The following COL27A1 variants were observed in gnomAD, a reference collection of about 807,000 sequenced individuals.
COL27A1 encodes collagen alpha-1(XXVII) chain.
COL27A1 carries 106 observed loss-of-function variants against 251.3 expected under a neutral mutation model. That is an observed-to-expected ratio of 0.42 (90% CI 0.36 to 0.50). COL27A1 has a LOEUF of 0.50. Ranked by LOEUF, COL27A1 falls within the 20% of genes least tolerant of loss-of-function variation. COL27A1 has a pLI of 0.00. For synonymous variants in COL27A1, 1,000 were observed against 986.3 expected, an observed-to-expected ratio of 1.01 and a Z score of -0.26; for missense variants, 2,325 against 2,522.8, an observed-to-expected ratio of 0.92 and a Z score of 1.68.
At position 114,235,590 on chromosome 9, in the gene COL27A1, T is replaced by C. The variant is rs1832328473; in HGVS notation, c.2566-9T>C. The stretch of plus-strand genomic sequence containing the variant: ...TCCATTGTAACCTTCTTTGCTGGTG[T>C]GTACTTAGGGTGAACAAGGGGTTCC... On this transcript the variant is annotated splice_polypyrimidine_tract_variant and intron_variant, in intron 16 of 60. Coordinates refer to ENST00000356083, the MANE Select transcript of COL27A1 (RefSeq NM_032888.4). 1.2e-6 allele frequency: 2 copies of C among 1,612,762 alleles called. No homozygotes were observed. The highest frequency in any genetic ancestry group is 2.7e-5 in the African/African-American group (2 of 74,866).
chr9:114,230,097 C>G (rs1307425481), intron 14 of COL27A1, among the ~76,000 whole-genome samples: 1 of 152,162 alleles, frequency 6.6e-6, no homozygotes, highest in Non-Finnish European at 1.5e-5. Context: ...ATGAAGAAAC[C>G]GAGGCATGGA....
At chr9:114,189,432 T>G (rs1271506511) in intron 5 of COL27A1, among the ~76,000 whole-genome samples, 1 of 152,248 alleles carries the variant, frequency 6.6e-6, no homozygotes, top group African/African-American at 2.4e-5. Flanking sequence ...ATCTTTATTC[T>G]GTGTATCCTC....
chr9:114,225,954 G>A (rs1231928805), intron 14 of COL27A1, among the ~76,000 whole-genome samples: 1 of 152,180 alleles, frequency 6.6e-6, no homozygotes, highest in African/African-American at 2.4e-5. Context: ...TGTCGGGCTT[G>A]TCACCTGGGT....
chr9:114,290,428 C>T lies in COL27A1; in HGVS notation c.4368+97C>T. ...TGGGCCAGAGGAGCCCGTTTGGAAA[C>T]TTGGATGGGCAGAACCAACACATCC... On this transcript the variant is annotated intron_variant, in intron 47 of 60. Transcript: ENST00000356083. This position sits in a 1 kb window ranked among gnomAD's most constrained non-coding sequence, Gnocchi z 4.6. 3 of 1,088,922 alleles carry T rather than the reference C, an allele frequency of 2.8e-6. No individual in the cohort carries two copies. Among genetic ancestry groups the T allele is most frequent in the Non-Finnish European group, 4.1e-6 (3 of 733,412 alleles). 67.5% of individuals were successfully genotyped at this position (1,088,922 alleles called of 1,614,324 possible). A position where few individuals can be genotyped will look rare whatever the true frequency, so the allele number is the denominator to read the frequency against.
intron 49 of COL27A1, 133 bp downstream of exon 49, chr9:114,292,343 C>T (rs1827981258): frequency 1.4e-6 from 1 of 718,200 alleles, no homozygotes. Flanking sequence ...CCTCCTTGCT[C>T]TGTGACAAGG....
intron 34 of COL27A1, 41 bp downstream of exon 34, chr9:114,267,598 C>T: frequency 1.3e-6 from 2 of 1,565,982 alleles, no homozygotes; most frequent in Non-Finnish European, 1.7e-6. Flanking sequence ...CTTGTTGAAA[C>T]CAGCTCCCAG....
intron 2 of COL27A1, among the ~76,000 whole-genome samples, chr9:114,165,955 A>T (rs1343079845): frequency 6.7e-6 from 1 of 149,522 alleles, no homozygotes; most frequent in Non-Finnish European, 1.5e-5. Context: ...CCATCTATCC[A>T]TCCATCCATC....
At chr9:114,172,775 C>G (rs1849414259) in intron 3 of COL27A1, among the ~76,000 whole-genome samples, 1 of 152,120 alleles carries the variant, frequency 6.6e-6, no homozygotes, top group South Asian at 2.1e-4. Context: ...GCCTGGGCAA[C>G]AGAGTAAGAC....
At chr9:114,302,664 A>G (rs1385747277) in intron 56 of COL27A1, among the ~76,000 whole-genome samples, 2 of 151,150 alleles carry the variant, frequency 1.3e-5, no homozygotes, top group Admixed American at 1.3e-4. Flanking sequence ...GCCAAGATCG[A>G]GCCACTGCAC....
intron 4 of COL27A1, among the ~76,000 whole-genome samples, chr9:114,179,334 G>A (rs868238398): frequency 1.1e-4 from 17 of 152,246 alleles, no homozygotes; most frequent in African/African-American, 3.9e-4. Context: ...CATGAAGCAC[G>A]TGCCCTCTGG....
chr9:114,222,389 C>G (rs994581032), intron 14 of COL27A1, 122 bp downstream of exon 14: 7 of 920,684 alleles, frequency 7.6e-6, no homozygotes, highest in Non-Finnish European at 1.1e-5. Flanking sequence ...TCTCATCAAA[C>G]CCCCAGAGGG....
intron 56 of COL27A1, 57 bp downstream of exon 56, chr9:114,302,165 G>T (rs776726677): frequency 1.1e-4 from 162 of 1,465,128 alleles, no homozygotes; most frequent in Non-Finnish European, 1.5e-4. Flanking sequence ...GGGTTTGGGG[G>T]AAGAGGCTGC....
At chr9:114,161,008 A>C (rs1848461693) in intron 1 of COL27A1, among the ~76,000 whole-genome samples, 1 of 152,188 alleles carries the variant, frequency 6.6e-6, no homozygotes, top group Non-Finnish European at 1.5e-5. Context: ...ACCCAACTCA[A>C]AATAGTTTAA....
Position 114,167,797 on chromosome 9 carries a change from G to A in COL27A1, c.242G>A (p.Arg81Gln), listed in dbSNP as rs368213196. The A allele has an allele frequency of 7.4e-5, 119 of 1,613,354 alleles. No individual in the cohort carries two copies. The highest frequency in any genetic ancestry group is 9.2e-5 in the Non-Finnish European group (108 of 1,179,994). ...GGCTTCATCTTTACGCAGCGGGCCC[G>A]GCTCCAGGCTCCCACGGGCACCGTC... ...QSGFIFTQRARLQAPTGTVIP... is the reference protein window; with the variant it reads ...QSGFIFTQRAQLQAPTGTVIP... The change falls in exon 3 of 61, where the codon CGG becomes CAG. Residue 81 changes from arginine to glutamine, a missense_variant. Coordinates refer to ENST00000356083, the MANE Select transcript of COL27A1 (RefSeq NM_032888.4).
intron 4 of COL27A1, among the ~76,000 whole-genome samples, chr9:114,182,182 ATAAT>A (rs1827971792): frequency 2.2e-5 from 2 of 91,240 alleles, no homozygotes; most frequent in African/African-American, 6.8e-5. Context: ...CTATAAAATA[ATAAT>A]AATAAAATAA....
chr9:114,297,990 G>C (rs1325263092), intron 49 of COL27A1, among the ~76,000 whole-genome samples: 1 of 151,922 alleles, frequency 6.6e-6, no homozygotes, highest in South Asian at 2.1e-4. Context: ...GAATAAAATA[G>C]GAAGAAATCT....
chr9:114,205,647 A>G, intron 8 of COL27A1, 112 bp from the exon 9 acceptor site: 1 of 991,814 alleles, frequency 1.0e-6, no homozygotes, highest in Non-Finnish European at 1.6e-6. Context: ...GTTCCATCTC[A>G]CATTCCTGCC....
At chr9:114,234,568 A>G (rs1832224135) in intron 16 of COL27A1, among the ~76,000 whole-genome samples, 1 of 152,132 alleles carries the variant, frequency 6.6e-6, no homozygotes, top group Non-Finnish European at 1.5e-5. Context: ...AGCAGCTCCC[A>G]ATCTGGACTG....
intron 21 of COL27A1, among the ~76,000 whole-genome samples, chr9:114,241,962 G>T (rs1368767507): frequency 6.6e-6 from 1 of 152,310 alleles, no homozygotes; most frequent in Middle Eastern, 3.4e-3. Flanking sequence ...ATGAAGCCTG[G>T]AGTCTCCATT....
Sources: gnomAD v4.1 joint callset for allele counts (sites outside exome capture counted in the v4.1 genomes callset) on GRCh38, gnomAD v4.1.1 for gene constraint, Gnocchi (gnomAD v3.1) non-coding constraint, MANE v1.5 for transcripts, NCBI Gene and HGNC (gene_info 2026-07-23, HGNC 2026-07-21) for gene names.